Variants in ATXN3 observed in about 807,000 individuals in gnomAD.
The protein encoded by ATXN3 is ataxin-3.
ATXN3 carries 28 observed loss-of-function variants against 58.2 expected under a neutral mutation model. The ratio of observed to expected loss-of-function variants is 0.48; its 90% CI spans 0.36 to 0.66. The LOEUF (loss-of-function observed/expected upper bound fraction) is 0.66. Ranked by LOEUF, ATXN3 falls within the 30% of genes least tolerant of loss-of-function variation. The probability of loss-of-function intolerance (pLI) is 0.00; values close to 1 mark genes in which losing one functional copy is unlikely to be tolerated. For synonymous variants in ATXN3, 113 were observed against 138.5 expected (o/e 0.82, Z 1.29); for missense variants, 321 against 422.1 (o/e 0.76, Z 2.10).
At chr14:92,084,733 C>A (rs527693624) in intron 6 of ATXN3, among the ~76,000 whole-genome samples, 1 of 152,200 alleles carries the variant, frequency 6.6e-6, no homozygotes, top group Non-Finnish European at 1.5e-5. Context: ...GCACCCACCA[C>A]CACACCCAGT....
At chr14:92,097,717 C>G (rs543255653) in intron 1 of ATXN3, among the ~76,000 whole-genome samples, 1 of 151,372 alleles carries the variant, frequency 6.6e-6, no homozygotes, top group African/African-American at 2.4e-5. Context: ...AGTAGCGATA[C>G]GGTTTCACAA....
At chr14:92,053,480 T>TTTTC (rs549448644), upstream of ATXN3, among the ~76,000 whole-genome samples, 1 of 151,240 alleles carries the variant, frequency 6.6e-6, no homozygotes, top group Non-Finnish European at 1.5e-5. Flanking sequence ...CTCCTTTTTT[T>TTTTC]TTTCTTTCTT....
rs1279769679 is a variant in ATXN3, at chr14:92,083,488, C to A, written c.476-230G>T. On this transcript the variant is annotated intron_variant, in intron 6 of 10. Coordinates refer to ENST00000644486, the MANE Select transcript of ATXN3 (RefSeq NM_004993.6). ...TTTCTCCATTGTAAGACTGGAAGAG[C>A]CGTCTCATTGAGTGACTGTGAGAAA... The A allele has an allele frequency of 4.7e-6, 3 of 639,684 alleles. No homozygotes were observed. The African/African-American group carries it at 5.4e-5, about 11-fold the overall frequency. The allele number at this position is 639,684 out of a possible 1,614,324, so 39.6% of individuals were successfully genotyped here.
chr14:92,064,275 G>C lies in ATXN3; in HGVS notation c.*45C>G, dbSNP rs1308640395. Reference sequence around the variant, plus strand: ...TGGACCCTATGCTGTAATCACACAGGATAATGTTGGAAAGTATGAATATCT... The same window carrying C: ...TGGACCCTATGCTGTAATCACACAGCATAATGTTGGAAAGTATGAATATCT... On this transcript the variant is annotated 3_prime_UTR_variant, in exon 11 of 11. Transcript: ENST00000644486. 45 of 1,376,874 alleles carry C rather than the reference G, an allele frequency of 3.3e-5. No individual in the cohort carries two copies. Among genetic ancestry groups the C allele is most frequent in the Non-Finnish European group, 4.6e-5 (45 of 974,054 alleles). The allele number at this position is 1,376,874 out of a possible 1,614,324, so 85.3% of individuals were successfully genotyped here. A position where few individuals can be genotyped will look rare whatever the true frequency, so the allele number is the denominator to read the frequency against.
upstream of ATXN3, among the ~76,000 whole-genome samples, chr14:92,053,142 C>T (rs7156881): frequency 0.13 from 20,034 of 152,128 alleles, 1,488 homozygotes; most frequent in African/African-American, 0.21. Context: ...CCCAGCTACT[C>T]GGGAGACTGA....
At chr14:92,047,069 TC>T (rs1006457463) in intron 2 of ATXN3, among the ~76,000 whole-genome samples, 6 of 152,344 alleles carry the variant, frequency 3.9e-5, no homozygotes, top group African/African-American at 1.4e-4. Flanking sequence ...ATGAGGGCTG[TC>T]CCTGAAGCCT....
upstream of ATXN3, among the ~76,000 whole-genome samples, chr14:92,053,342 C>T (rs2057454690): frequency 6.6e-6 from 1 of 152,094 alleles, no homozygotes; most frequent in African/African-American, 2.4e-5. Flanking sequence ...CATGGCAACC[C>T]AGAATAAAAA....
chr14:92,070,141 T>C (rs533881446), intron 10 of ATXN3, among the ~76,000 whole-genome samples: 1 of 152,342 alleles, frequency 6.6e-6, no homozygotes, highest in African/African-American at 2.4e-5. Context: ...TTCTCTCAAC[T>C]TCTACTACTA....
chr14:92,086,653 A>T (rs1427241693), intron 6 of ATXN3, among the ~76,000 whole-genome samples: 1 of 152,096 alleles, frequency 6.6e-6, no homozygotes, highest in Non-Finnish European at 1.5e-5. Context: ...GAATCGCTTG[A>T]ACCCAGGAGG....
Position 92,086,741 on chromosome 14 carries a change from C to G in ATXN3, c.475+1989G>C, listed in dbSNP as rs78614131. Among the ~76,000 whole-genome samples, 949 of 150,396 alleles carry G rather than the reference C, an allele frequency of 6.3e-3. 12 individuals carry two copies. The highest frequency in any genetic ancestry group is 0.022 in the African/African-American group (877 of 40,738). On this transcript the variant is annotated intron_variant, in intron 6 of 10. Transcript: ENST00000644486. ...AAAAATGGGGAGGCAGCTGGAGTTTCATGGAATTAAGAGAGGATTTTTATT... is the reference window on the plus strand; with the variant it reads ...AAAAATGGGGAGGCAGCTGGAGTTTGATGGAATTAAGAGAGGATTTTTATT...
At position 92,071,029 on chromosome 14, in the gene ATXN3, C is replaced by CTGCTGT; in HGVS notation, c.891_896dup (p.Gln304_Gln305dup). ...GGTCCCCCTGCTGCTGCTGCTGCTG[C>CTGCTGT]TGCTGTTGCTGCTTTTGCTGCTGTC... is the stretch of plus-strand genomic sequence containing the variant. On this transcript the variant is annotated inframe_insertion, in exon 10 of 11. Coordinates refer to ENST00000644486, the MANE Select transcript of ATXN3 (RefSeq NM_004993.6). 1.9e-5 allele frequency: 31 copies of CTGCTGT among 1,609,944 alleles called. No individual in the cohort carries two copies. The highest frequency in any genetic ancestry group is 1.7e-4 in the Middle Eastern group (1 of 5,996).
chr14:92,050,408 G>A (rs1369387484), upstream of ATXN3: 1 of 152,236 alleles, frequency 6.6e-6, no homozygotes, highest in Non-Finnish European at 1.5e-5. Context: ...TAGCTAATAT[G>A]TTGCTCTTCA....
At chr14:92,105,717 T>C (rs1956417) in intron 1 of ATXN3, among the ~76,000 whole-genome samples, 43,701 of 152,074 alleles carry the variant, frequency 0.29, 6,513 homozygotes, top group Admixed American at 0.38. Context: ...GGAGTTTCTT[T>C]ACATATCACA....
intron 5 of ATXN3, among the ~76,000 whole-genome samples, chr14:92,089,068 G>A (rs2063190169): frequency 6.6e-6 from 1 of 151,376 alleles, no homozygotes; most frequent in Admixed American, 6.6e-5. Flanking sequence ...CCAGGCTGGA[G>A]TGCAGTGGCA....
chr14:92,075,204 G>A (rs899983154), intron 9 of ATXN3, among the ~76,000 whole-genome samples: 2 of 127,226 alleles, frequency 1.6e-5, no homozygotes, highest in Non-Finnish European at 3.1e-5. Context: ...TGCTCTTGTC[G>A]CCTAGGCTGT....
intron 3 of ATXN3, 86 bp from the exon 4 acceptor site, chr14:92,093,917 T>A: frequency 1.3e-6 from 1 of 771,352 alleles, no homozygotes; most frequent in South Asian, 1.6e-5. Context: ...GTGTACTTCA[T>A]ATATAAATTT....
chr14:92,067,092 TAGAAAA>T (rs1476165357), intron 10 of ATXN3, among the ~76,000 whole-genome samples: 2 of 151,806 alleles, frequency 1.3e-5, no homozygotes, highest in Non-Finnish European at 2.9e-5. Flanking sequence ...CTTTCAGCAC[TAGAAAA>T]AATGTTGTAT....
intron 1 of ATXN3, among the ~76,000 whole-genome samples, chr14:92,102,860 T>G (rs1435716737): frequency 6.6e-6 from 1 of 152,174 alleles, no homozygotes; most frequent in Non-Finnish European, 1.5e-5. Context: ...CCTGTGCTAT[T>G]AGCACTTCAA....
At position 92,085,359 on chromosome 14, in the gene ATXN3, G is replaced by C. The variant is rs565452568; in HGVS notation, c.476-2101C>G. Among the ~76,000 whole-genome samples the C allele has an allele frequency of 3.9e-5, 6 of 151,914 alleles. No homozygotes were observed. The East Asian group carries it at 7.8e-4, about 20-fold the overall frequency. ...ACAACACCACACCCAGTTAATTTTT[G>C]TATTTTTTGGTAGAGACAGGGTTTC... On this transcript the variant is annotated intron_variant, in intron 6 of 10. Transcript: ENST00000644486.
Sources: gnomAD v4.1 joint callset for allele counts (sites outside exome capture counted in the v4.1 genomes callset) on GRCh38, gnomAD v4.1.1 for gene constraint, MANE v1.5 for transcripts, NCBI Gene and HGNC (gene_info 2026-07-23, HGNC 2026-07-21) for gene names.